PAM: variants seen among roughly 807,000 people sequenced by gnomAD.
PAM encodes the protein peptidylglycine alpha-amidating monooxygenase.
In PAM, 72 loss-of-function variants were observed where a neutral mutation model predicts 122.1. The ratio of observed to expected loss-of-function variants is 0.59; its 90% CI spans 0.49 to 0.72. PAM has a LOEUF of 0.72. PAM is among the 30% of genes least tolerant of loss of function. The pLI is 0.00. For synonymous variants in PAM, 389 were observed against 404.4 expected (o/e 0.96, Z 0.46); for missense variants, 1,106 against 1,183.7 (o/e 0.93, Z 0.96).
intron 5 of PAM, among the ~76,000 whole-genome samples, chr5:102,918,887 G>A (rs2151635591): frequency 6.6e-6 from 1 of 152,196 alleles, no homozygotes; most frequent in East Asian, 1.9e-4. Flanking sequence ...TATGTATCCA[G>A]TGTTATACTT....
chr5:103,007,658 G>T lies in PAM; in HGVS notation c.2215+1G>T. 6.5e-7 allele frequency: 1 copy of T among 1,549,570 alleles called. No homozygotes were observed. Among genetic ancestry groups the T allele is most frequent in the Non-Finnish European group, 8.9e-7 (1 of 1,121,622 alleles). On this transcript the variant is annotated splice_donor_variant, in intron 20 of 25. Transcript: ENST00000438793. LOFTEE classifies it high-confidence loss of function. The stretch of plus-strand genomic sequence containing the variant: ...GTATTTGCAATTTCATATATACCAG[G>T]TATTTCATCTTAATATGTTTGTTGT...
rs186341638 is a variant in PAM, at chr5:102,781,828, G to A, written c.-374+26480G>A. 2.2e-4 allele frequency among the ~76,000 whole-genome samples: 33 copies of A among 152,188 alleles called. 2 individuals are homozygous for A. Among genetic ancestry groups the A allele is most frequent in the African/African-American group, 7.9e-4 (33 of 41,512 alleles). On this transcript the variant is annotated intron_variant, in intron 1 of 25. Transcript: ENST00000438793. ...AACAATTTACATGGTGCTTCTTGTG[G>A]ATTAGCCGTGCTCTTCTAAGAACTA...
At chr5:102,816,985 T>A (rs1410185364) in intron 1 of PAM, among the ~76,000 whole-genome samples, 1 of 152,086 alleles carries the variant, frequency 6.6e-6, no homozygotes. Context: ...GCTCTTCTAT[T>A]TCCTATCTCA....
intron 1 of PAM, among the ~76,000 whole-genome samples, chr5:102,842,883 A>G (rs1415977303): frequency 6.6e-6 from 1 of 152,218 alleles, no homozygotes; most frequent in East Asian, 1.9e-4. Context: ...TTTGATATAT[A>G]CAACAATGTT....
chr5:102,972,907 C>T (rs1379809743), intron 14 of PAM, among the ~76,000 whole-genome samples: 1 of 152,176 alleles, frequency 6.6e-6, no homozygotes, highest in Non-Finnish European at 1.5e-5. Context: ...AAACATTAAA[C>T]CAAGACTATT....
At chr5:102,863,136 G>T (rs934293482) in intron 1 of PAM, among the ~76,000 whole-genome samples, 1 of 145,144 alleles carries the variant, frequency 6.9e-6, no homozygotes, top group African/African-American at 2.9e-5. Context: ...ACAGGTATAG[G>T]TTATAAATCA....
chr5:103,017,211 T>C, intron 21 of PAM, 123 bp from the exon 22 acceptor site: 4 of 671,152 alleles, frequency 6.0e-6, no homozygotes, highest in Non-Finnish European at 1.1e-5. Context: ...AGGAAATATT[T>C]TGCTTTGGTT....
chr5:102,955,615 T>A (rs1453777717), intron 12 of PAM, among the ~76,000 whole-genome samples: 1 of 152,102 alleles, frequency 6.6e-6, no homozygotes, highest in Non-Finnish European at 1.5e-5. Context: ...AAGCACTTTA[T>A]TATTCAAGAA....
chr5:102,928,679 TA>T (rs371441408), intron 7 of PAM, among the ~76,000 whole-genome samples: 70 of 152,290 alleles, frequency 4.6e-4, no homozygotes, highest in African/African-American at 1.7e-3. Flanking sequence ...TATCGTTTTA[TA>T]TTTATTAATT....
At chr5:102,854,192 A>C (rs1481599475) in intron 1 of PAM, among the ~76,000 whole-genome samples, 1 of 152,196 alleles carries the variant, frequency 6.6e-6, no homozygotes, top group Non-Finnish European at 1.5e-5. Context: ...GAAATTATAC[A>C]TGGAAAGTAT....
intron 3 of PAM, among the ~76,000 whole-genome samples, chr5:102,874,099 A>G (rs1235795290): frequency 6.6e-6 from 1 of 152,216 alleles, no homozygotes; most frequent in Non-Finnish European, 1.5e-5. Flanking sequence ...GGGAAAGCTA[A>G]TAGCAAAGAA....
At chr5:102,913,151 A>G (rs1801950086) in intron 4 of PAM, among the ~76,000 whole-genome samples, 1 of 151,990 alleles carries the variant, frequency 6.6e-6, no homozygotes, top group African/African-American at 2.4e-5. Flanking sequence ...GCTACTTCAT[A>G]CTGGACAGCA....
intron 14 of PAM, among the ~76,000 whole-genome samples, chr5:102,972,509 T>A (rs1328398801): frequency 1.3e-5 from 2 of 152,144 alleles, no homozygotes; most frequent in African/African-American, 4.8e-5. Flanking sequence ...CTCGAGCTCC[T>A]GGGCTCAAGC....
chr5:102,974,508 ATAAGAAT>A, intron 15 of PAM, 72 bp downstream of exon 15: 1 of 936,504 alleles, frequency 1.1e-6, no homozygotes, highest in Non-Finnish European at 1.6e-6. Context: ...CCTGAAGGGA[ATAAGAAT>A]TAATGGGTGA....
rs1378301584 is a variant in PAM, at chr5:103,018,648, A to G, written c.2432-1142A>G. Among the ~76,000 whole-genome samples, 5 of 152,318 alleles carry G rather than the reference A, an allele frequency of 3.3e-5. No individual in the cohort carries two copies. In the East Asian group the frequency reaches 9.7e-4, roughly 29 times the overall value. On this transcript the variant is annotated intron_variant, in intron 22 of 25. Coordinates refer to ENST00000438793, the MANE Select transcript of PAM (RefSeq NM_001177306.2). ...ATGGATAACCCCCAACTGCATGACTAAAGTGTGGATTTTCAGAACAAAAAC... is the reference window on the plus strand; with the variant it reads ...ATGGATAACCCCCAACTGCATGACTGAAGTGTGGATTTTCAGAACAAAAAC...
At chr5:102,763,561 A>T (rs1341356419) in intron 1 of PAM, among the ~76,000 whole-genome samples, 5 of 152,202 alleles carry the variant, frequency 3.3e-5, no homozygotes, top group African/African-American at 1.2e-4. Flanking sequence ...TCTGAATAGA[A>T]CAGTAGAATT....
intron 1 of PAM, among the ~76,000 whole-genome samples, chr5:102,827,483 G>C (rs1561553166): frequency 6.6e-6 from 1 of 151,906 alleles, no homozygotes; most frequent in African/African-American, 2.4e-5. Flanking sequence ...ATTTTCTTCT[G>C]TTTTTAATTT....
At chr5:102,789,938 G>C (rs1485637235) in intron 1 of PAM, among the ~76,000 whole-genome samples, 1 of 151,968 alleles carries the variant, frequency 6.6e-6, no homozygotes, top group Non-Finnish European at 1.5e-5. Flanking sequence ...TAAATATTCA[G>C]TAGTTATCAT....
At chr5:103,020,695 A>C (rs1037459349) in intron 23 of PAM, among the ~76,000 whole-genome samples, 12 of 152,172 alleles carry the variant, frequency 7.9e-5, no homozygotes, top group African/African-American at 2.9e-4. Context: ...TTGCTTTACA[A>C]ATGATTCACC....
Sources: allele counts gnomAD v4.1 joint callset (sites outside exome capture counted in the v4.1 genomes callset), GRCh38; gene constraint gnomAD v4.1.1; transcripts MANE v1.5; gene names NCBI Gene and HGNC (gene_info 2026-07-23, HGNC 2026-07-21).